Variants in MAN1A2 observed in about 807,000 individuals in gnomAD.
MAN1A2 encodes mannosyl-oligosaccharide 1,2-alpha-mannosidase IB.
MAN1A2 carries 26 observed loss-of-function variants against 75.7 expected under a neutral mutation model. The ratio of observed to expected loss-of-function variants is 0.34; its 90% confidence interval spans 0.25 to 0.48. MAN1A2 has a LOEUF of 0.48. Ranked by LOEUF, MAN1A2 falls within the 20% of genes least tolerant of loss-of-function variation. MAN1A2 has a pLI of 0.99. For synonymous variants in MAN1A2, 247 were observed against 264.6 expected (o/e 0.93, Z 0.65); for missense variants, 562 against 775.5 (o/e 0.72, Z 3.27).
At chr1:117,499,267 TA>T in intron 10 of MAN1A2, 114 bp from the exon 11 acceptor site, 2 of 747,598 alleles carry the variant, frequency 2.7e-6, no homozygotes, top group Non-Finnish European at 4.0e-6. Flanking sequence ...ACAGCAACAA[TA>T]AAAATAAACA....
At chr1:117,419,805 G>A (rs1228770733) in intron 4 of MAN1A2, among the ~76,000 whole-genome samples, 3 of 151,762 alleles carry the variant, frequency 2.0e-5, no homozygotes, top group African/African-American at 7.3e-5. Flanking sequence ...GTTTCCATCT[G>A]TTTGCCATTT....
chr1:117,463,927 A>AT (rs1649905790), intron 7 of MAN1A2, among the ~76,000 whole-genome samples: 1 of 152,210 alleles, frequency 6.6e-6, no homozygotes, highest in Non-Finnish European at 1.5e-5. Context: ...CTTACATGGA[A>AT]TAAAAGCAAG....
At chr1:117,402,538 A>G (rs2101754520) in intron 2 of MAN1A2, 97 bp downstream of exon 2, 2 of 1,193,162 alleles carry the variant, frequency 1.7e-6, no homozygotes, top group Non-Finnish European at 2.3e-6. Context: ...TGATCTGTTT[A>G]TTCTTGGGTC....
intron 1 of MAN1A2, among the ~76,000 whole-genome samples, chr1:117,381,199 A>G (rs989826322): frequency 6.6e-6 from 1 of 150,966 alleles, no homozygotes; most frequent in African/African-American, 2.4e-5. Context: ...ATTTTTTTTT[A>G]TTATACTTTA....
chr1:117,377,732 C>G (rs989507290), intron 1 of MAN1A2, among the ~76,000 whole-genome samples: 6 of 152,106 alleles, frequency 3.9e-5, no homozygotes, highest in Non-Finnish European at 7.3e-5. Context: ...CTGGTTACTC[C>G]CAAAAGCACC....
At chr1:117,390,848 G>T (rs1420817493) in intron 1 of MAN1A2, among the ~76,000 whole-genome samples, 4 of 151,698 alleles carry the variant, frequency 2.6e-5, no homozygotes, top group Admixed American at 2.0e-4. Context: ...TCTACAGTTT[G>T]ATGTTTCCAT....
At chr1:117,470,857 C>T (rs1278198843) in intron 8 of MAN1A2, among the ~76,000 whole-genome samples, 1 of 151,906 alleles carries the variant, frequency 6.6e-6, no homozygotes, top group Non-Finnish European at 1.5e-5. Flanking sequence ...TTTAACAATT[C>T]AGCTTTGGCT....
intron 5 of MAN1A2, among the ~76,000 whole-genome samples, chr1:117,429,140 A>G (rs1648488201): frequency 6.8e-6 from 1 of 147,126 alleles, no homozygotes; most frequent in African/African-American, 2.5e-5. Flanking sequence ...GATCAACAGG[A>G]TCCCAAGGCA....
chr1:117,478,588 GT>G (rs1377828395), intron 8 of MAN1A2, among the ~76,000 whole-genome samples: 3 of 151,864 alleles, frequency 2.0e-5, no homozygotes, highest in Non-Finnish European at 4.4e-5. Context: ...GACATTTTGA[GT>G]TGATTTTTCT....
At chr1:117,412,170 G>A (rs1056468432) in intron 3 of MAN1A2, among the ~76,000 whole-genome samples, 2 of 151,598 alleles carry the variant, frequency 1.3e-5, no homozygotes, top group African/African-American at 4.8e-5. Context: ...TTTGATAGCG[G>A]GTAGCTCTTT....
intron 6 of MAN1A2, among the ~76,000 whole-genome samples, chr1:117,458,834 T>C (rs1250232350): frequency 6.6e-6 from 1 of 152,026 alleles, no homozygotes. Flanking sequence ...AAAATATTTA[T>C]ATTTATACTT....
rs528878926 is a variant in MAN1A2, at chr1:117,385,737, T to G, written c.303-16449T>G. Among the ~76,000 whole-genome samples, 7 of 152,240 alleles carry G rather than the reference T, an allele frequency of 4.6e-5. No individual in the cohort carries two copies. In the Middle Eastern group the frequency reaches 0.014, roughly 296 times the overall value. ...AACTGTAACACATGCAGAAAAGGTA[T>G]TTATTGGAAGGATGTTAGACTGTAA... On this transcript the variant is annotated intron_variant, in intron 1 of 12. Coordinates refer to ENST00000356554, the MANE Select transcript of MAN1A2 (RefSeq NM_006699.5).
In MAN1A2 at chr1:117,460,594, C is replaced by A. The variant is rs1174847544; in HGVS notation, c.1056C>A (p.Asp352Glu). ...TCCACCTCAGCTACTTGACAGGGGA[C>A]CTGACTTACTACAAAAAGGTTTGTT... is the stretch of plus-strand genomic sequence containing the variant. Reference protein sequence around the residue: ...EFIHLSYLTGDLTYYKKVMHI... With the variant: ...EFIHLSYLTGELTYYKKVMHI... The change falls in exon 7 of 13, where the codon GAC (aspartate) becomes GAA (glutamate). Residue 352 changes from aspartate to glutamate, a missense_variant. Coordinates refer to ENST00000356554, the MANE Select transcript of MAN1A2 (RefSeq NM_006699.5). The A allele has an allele frequency of 6.2e-7, 1 of 1,605,818 alleles. No homozygotes were observed. The highest frequency in any genetic ancestry group is 8.5e-7 in the Non-Finnish European group (1 of 1,177,118).
chr1:117,457,410 CTCATCA>C (rs144935653), intron 6 of MAN1A2, among the ~76,000 whole-genome samples: 17,056 of 151,642 alleles, frequency 0.11, 1,036 homozygotes, highest in Non-Finnish European at 0.14. Flanking sequence ...TTTTTGGCAG[CTCATCA>C]TCATTTTATA....
At chr1:117,419,299 T>G (rs1396288702) in intron 4 of MAN1A2, among the ~76,000 whole-genome samples, 1 of 152,056 alleles carries the variant, frequency 6.6e-6, no homozygotes, top group Non-Finnish European at 1.5e-5. Flanking sequence ...GGGTAAGTAT[T>G]AAAGCAGGGA....
chr1:117,397,698 C>T (rs1051711459), intron 1 of MAN1A2, among the ~76,000 whole-genome samples: 2 of 126,558 alleles, frequency 1.6e-5, no homozygotes, highest in South Asian at 2.7e-4. Context: ...TTGGCCCAGG[C>T]TGGAGTGCAA....
intron 5 of MAN1A2, among the ~76,000 whole-genome samples, chr1:117,432,495 A>T (rs372053532): frequency 1.3e-5 from 2 of 152,336 alleles, no homozygotes; most frequent in South Asian, 2.1e-4. Flanking sequence ...ATGGAATATT[A>T]TAAGCAGTTT....
At chr1:117,496,068 A>T (rs965293919) in intron 9 of MAN1A2, among the ~76,000 whole-genome samples, 7 of 151,878 alleles carry the variant, frequency 4.6e-5, no homozygotes, top group African/African-American at 1.7e-4. Context: ...TACAGAGTAA[A>T]ATTTTCCAAG....
intron 1 of MAN1A2, among the ~76,000 whole-genome samples, chr1:117,374,452 A>G (rs751581573): frequency 6.6e-6 from 1 of 152,176 alleles, no homozygotes; most frequent in African/African-American, 2.4e-5. Flanking sequence ...CTGTTAAAAC[A>G]TGGTTGTAAT....
Sources: gnomAD v4.1 joint callset for allele counts (sites outside exome capture counted in the v4.1 genomes callset) on GRCh38, gnomAD v4.1.1 for gene constraint, MANE v1.5 for transcripts, NCBI Gene and HGNC (gene_info 2026-07-23, HGNC 2026-07-21) for gene names.